Variants in CWC22 observed in about 807,000 individuals in gnomAD.
The protein encoded by CWC22 is pre-mRNA-splicing factor CWC22 homolog.
In CWC22, 53 loss-of-function variants were observed where a neutral mutation model predicts 117.2. The observed-to-expected ratio is 0.45, with a 90% confidence interval of 0.36 to 0.57. The LOEUF is 0.57. CWC22 is among the 20% of genes least tolerant of loss of function. CWC22 has a pLI of 0.00. For synonymous variants in CWC22, 360 were observed against 355.6 expected, an observed-to-expected ratio of 1.01 and a Z score of -0.14; for missense variants, 980 against 1,068.8, an observed-to-expected ratio of 0.92 and a Z score of 1.16.
chr2:179,959,355 T>C (rs1463606964), intron 13 of CWC22, among the ~76,000 whole-genome samples: 1 of 152,044 alleles, frequency 6.6e-6, no homozygotes, highest in Non-Finnish European at 1.5e-5. Context: ...TATTCAGAAG[T>C]GACAAATCTA....
At chr2:179,958,703 A>G (rs1281585263) in intron 14 of CWC22, among the ~76,000 whole-genome samples, 1 of 152,184 alleles carries the variant, frequency 6.6e-6, no homozygotes, top group African/African-American at 2.4e-5. Flanking sequence ...ATAATCCATT[A>G]AAGAACAAAT....
At chr2:180,000,570 T>C (rs1199069689) in intron 1 of CWC22, among the ~76,000 whole-genome samples, 2 of 152,182 alleles carry the variant, frequency 1.3e-5, no homozygotes, top group African/African-American at 4.8e-5. Flanking sequence ...AAATTACAAA[T>C]AAAGAGTTGC....
At position 179,950,242 on chromosome 2, in the gene CWC22, T is replaced by C. The variant is rs1291276726; in HGVS notation, c.2140+270A>G. On this transcript the variant is annotated intron_variant, in intron 19 of 19. Transcript: ENST00000410053. ...TAAACTAGATTACAAACATTATGAA[T>C]GGATGGTTCATATCAGTCATCACTC... Among the ~76,000 whole-genome samples, 3 of 152,270 alleles carry C rather than the reference T, an allele frequency of 2.0e-5. No homozygotes were observed. In the East Asian group the frequency reaches 5.8e-4, roughly 29 times the overall value.
chr2:179,945,511 G>A lies in CWC22; in HGVS notation c.2345C>T (p.Thr782Ile). 6.2e-7 allele frequency: 1 copy of A among 1,613,008 alleles called. No homozygotes were observed. The highest frequency in any genetic ancestry group is 8.5e-7 in the Non-Finnish European group (1 of 1,179,290). Residue 782 changes from threonine to isoleucine, a missense_variant, in exon 20 of 20, where the codon ACA becomes ATA. By Grantham distance (89) the Thr-to-Ile change is moderately conservative. Coordinates refer to ENST00000410053, the MANE Select transcript of CWC22 (RefSeq NM_020943.3). Reference sequence around the variant, plus strand: ...AACATCTTTGTCTGATGTGTACTTTGTTATAGGATCTCTCCAATTTGAACC... The same window carrying A: ...AACATCTTTGTCTGATGTGTACTTTATTATAGGATCTCTCCAATTTGAACC... ...SSGSNWRDPI[T>I]KYTSDKDVPS... is the part of the protein sequence containing the mutation.
chr2:179,968,653 C>T (rs1328795736), intron 11 of CWC22, among the ~76,000 whole-genome samples: 2 of 151,920 alleles, frequency 1.3e-5, no homozygotes, highest in African/African-American at 2.4e-5. Context: ...CTGCAACCTC[C>T]ACCTCCCCAG....
At chr2:179,980,053 CT>C (rs1263893150) in intron 5 of CWC22, among the ~76,000 whole-genome samples, 1 of 152,188 alleles carries the variant, frequency 6.6e-6, no homozygotes, top group African/African-American at 2.4e-5. Context: ...ATTGCTGACT[CT>C]CCTGTGTGCT....
chr2:179,964,917 T>C (rs953573160), intron 12 of CWC22, among the ~76,000 whole-genome samples: 2 of 152,138 alleles, frequency 1.3e-5, no homozygotes, highest in African/African-American at 4.8e-5. Flanking sequence ...ACTCATGCTG[T>C]TGTTTGGTAA....
chr2:179,987,298 A>G (rs1347152653), intron 3 of CWC22, among the ~76,000 whole-genome samples: 2 of 152,206 alleles, frequency 1.3e-5, no homozygotes, highest in Non-Finnish European at 2.9e-5. Flanking sequence ...GATTGAAATT[A>G]TTAGCAAACA....
intron 5 of CWC22, among the ~76,000 whole-genome samples, chr2:179,980,054 T>A (rs1687248598): frequency 6.6e-6 from 1 of 152,204 alleles, no homozygotes; most frequent in African/African-American, 2.4e-5. Context: ...TTGCTGACTC[T>A]CCTGTGTGCT....
chr2:179,949,219 G>A (rs764395262), intron 19 of CWC22, among the ~76,000 whole-genome samples: 6 of 152,166 alleles, frequency 3.9e-5, no homozygotes, highest in Non-Finnish European at 8.8e-5. Context: ...AGAGACACCA[G>A]AGGTCTGGTA....
At chr2:179,987,750 C>G (rs886311738) in intron 3 of CWC22, among the ~76,000 whole-genome samples, 1 of 152,026 alleles carries the variant, frequency 6.6e-6, no homozygotes, top group East Asian at 1.9e-4. Flanking sequence ...TTTTAATAGA[C>G]CATATGCTTA....
chr2:179,952,163 A>G (rs1686466505), intron 17 of CWC22, among the ~76,000 whole-genome samples: 1 of 152,168 alleles, frequency 6.6e-6, no homozygotes, highest in South Asian at 2.1e-4. Flanking sequence ...AAGGCTTAAA[A>G]TTAGGGTAAA....
chr2:179,968,218 G>T (rs374032971), intron 11 of CWC22, among the ~76,000 whole-genome samples: 2 of 152,238 alleles, frequency 1.3e-5, no homozygotes, highest in East Asian at 1.9e-4. Context: ...TATTTAAAGT[G>T]ACAAATGGAT....
chr2:179,960,523 T>C (rs1398349940), intron 13 of CWC22, among the ~76,000 whole-genome samples: 1 of 152,010 alleles, frequency 6.6e-6, no homozygotes, highest in African/African-American at 2.4e-5. Context: ...TTCACAAATG[T>C]ACACGTAAAT....
intron 1 of CWC22, among the ~76,000 whole-genome samples, chr2:179,994,610 A>C (rs758538172): frequency 3.3e-5 from 5 of 152,198 alleles, no homozygotes; most frequent in Non-Finnish European, 7.3e-5. Context: ...TTTCTATTAC[A>C]ATGATTGGCA....
At chr2:179,984,708 A>ATCC (rs1319200853) in intron 4 of CWC22, among the ~76,000 whole-genome samples, 3 of 152,102 alleles carry the variant, frequency 2.0e-5, no homozygotes, top group Non-Finnish European at 4.4e-5. Flanking sequence ...TTTTATGAAA[A>ATCC]CAATGACAAA....
chr2:179,994,162 T>A (rs1687641241), intron 1 of CWC22, among the ~76,000 whole-genome samples: 2 of 152,194 alleles, frequency 1.3e-5, no homozygotes, highest in South Asian at 4.1e-4. Context: ...GAACTTGCAT[T>A]CAAATATTTT....
intron 19 of CWC22, among the ~76,000 whole-genome samples, chr2:179,946,820 T>C (rs1320980961): frequency 6.6e-6 from 1 of 152,166 alleles, no homozygotes; most frequent in Non-Finnish European, 1.5e-5. Context: ...AAAACAATAG[T>C]TCTCCCCTCT....
chr2:179,970,457 C>T, intron 11 of CWC22, 44 bp downstream of exon 11: 2 of 1,444,786 alleles, frequency 1.4e-6, no homozygotes, highest in Middle Eastern at 2.4e-4. Flanking sequence ...ACTTAAATTG[C>T]TTCTACTTAT....
Sources: allele counts gnomAD v4.1 joint callset (sites outside exome capture counted in the v4.1 genomes callset), GRCh38; gene constraint gnomAD v4.1.1; transcripts MANE v1.5; gene names NCBI Gene and HGNC (gene_info 2026-07-23, HGNC 2026-07-21).